Variants in FAM234A observed in about 807,000 individuals in gnomAD.
FAM234A encodes family with sequence similarity 234 member A, also known as protein FAM234A.
A neutral mutation model predicts 49.1 loss-of-function variants in FAM234A; 42 were observed. The ratio of observed to expected loss-of-function variants is 0.86; its 90% CI spans 0.67 to 1.11. The LOEUF is 1.11. Ranked by LOEUF, FAM234A falls within the 50% of genes least tolerant of loss-of-function variation. FAM234A has a pLI of 0.00. For synonymous variants in FAM234A, 369 were observed against 316.2 expected (o/e 1.17, Z -1.77); for missense variants, 815 against 745.2 (o/e 1.09, Z -1.09).
rs1355912421 is a variant in FAM234A at position 265,724 on chromosome 16, T to C, written c.*702T>C. 6 of 985,482 alleles carry C rather than the reference T, an allele frequency of 6.1e-6. No homozygotes were observed. Among genetic ancestry groups the C allele is most frequent in the Non-Finnish European group, 7.2e-6 (6 of 830,120 alleles). The allele number at this position is 985,482 out of a possible 1,614,324, so 61.0% of individuals were successfully genotyped here. A position where few individuals can be genotyped will look rare whatever the true frequency, so the allele number is the denominator to read the frequency against. On this transcript the variant is annotated 3_prime_UTR_variant, in exon 13 of 13. Coordinates refer to ENST00000399932, the MANE Select transcript of FAM234A (RefSeq NM_032039.4). The stretch of plus-strand genomic sequence containing the variant: ...AGCCCGTGGCCGCTCACAGGTGTCC[T>C]TAGTGGTGTTGCAGCTGTCTACTGG...
chr16:251,567 A>G (rs1482172841), intron 2 of FAM234A, among the ~76,000 whole-genome samples: 1 of 151,026 alleles, frequency 6.6e-6, no homozygotes, highest in Non-Finnish European at 1.5e-5. Context: ...TAGTAGAGAC[A>G]GAGTCTCGCC....
intron 2 of FAM234A, among the ~76,000 whole-genome samples, chr16:253,291 C>A (rs1377254304): frequency 5.3e-5 from 8 of 152,120 alleles, no homozygotes; most frequent in Admixed American, 3.3e-4. Flanking sequence ...GAAGTTACTC[C>A]CAGCACCGAG....
chr16:256,661 C>T (rs1168087534), intron 3 of FAM234A, among the ~76,000 whole-genome samples: 1 of 152,032 alleles, frequency 6.6e-6, no homozygotes, highest in Non-Finnish European at 1.5e-5. Flanking sequence ...ACCTCTGCCT[C>T]CCAGGTTCAA....
At chr16:251,679 GTTTTTTTTT>G (rs1172222528) in intron 2 of FAM234A, among the ~76,000 whole-genome samples, 1 of 91,146 alleles carries the variant, frequency 1.1e-5, no homozygotes, top group East Asian at 4.2e-4. Context: ...GCCTAGCCAG[GTTTTTTTTT>G]TTTTTTTTTT....
downstream of FAM234A, chr16:268,834 T>C (rs1195684530): frequency 5.8e-6 from 9 of 1,550,366 alleles, no homozygotes; most frequent in South Asian, 9.5e-5. Flanking sequence ...CGCCGAGACC[T>C]GCATGTCCGC....
At chr16:269,554 A>G (rs142042302), downstream of FAM234A, 28 of 1,613,394 alleles carry the variant, frequency 1.7e-5, no homozygotes, top group African/African-American at 3.2e-4. Flanking sequence ...GGCCTTGTAC[A>G]TGTCAGACTT....
downstream of FAM234A, chr16:268,885 C>T: frequency 6.4e-7 from 1 of 1,550,568 alleles, no homozygotes; most frequent in South Asian, 1.2e-5. Context: ...GCCTGTGCAT[C>T]TTGCTTCCGG....
chr16:264,460 C>G (rs1393638862), intron 11 of FAM234A, among the ~76,000 whole-genome samples, 154 bp from the exon 12 acceptor site: 1 of 151,750 alleles, frequency 6.6e-6, no homozygotes, highest in Non-Finnish European at 1.5e-5. Context: ...GTGGGAGGAC[C>G]TGGGAGGTGG....
intron 2 of FAM234A, among the ~76,000 whole-genome samples, chr16:252,323 A>G (rs1324113458): frequency 2.0e-5 from 3 of 151,546 alleles, no homozygotes; most frequent in Non-Finnish European, 4.4e-5. Flanking sequence ...CTGGGACTAC[A>G]GGCGCCCGCC....
At chr16:244,682 CTTTTTTTTTTTT>C (rs59549388) in intron 1 of FAM234A, among the ~76,000 whole-genome samples, 5 of 86,740 alleles carry the variant, frequency 5.8e-5, no homozygotes, top group Non-Finnish European at 9.1e-5. Flanking sequence ...ATGGTAACCT[CTTTTTTTTTTTT>C]TTTTTTTTTT....
chr16:243,092 C>T (rs2050677237), intron 1 of FAM234A, among the ~76,000 whole-genome samples: 1 of 151,904 alleles, frequency 6.6e-6, no homozygotes, highest in African/African-American at 2.4e-5. Flanking sequence ...GCTAACCTCC[C>T]ACCTCAGCCT....
chr16:252,797 C>G (rs2051072572), intron 2 of FAM234A, among the ~76,000 whole-genome samples: 2 of 152,210 alleles, frequency 1.3e-5, no homozygotes, highest in South Asian at 2.1e-4. Context: ...AGTCCCTTAT[C>G]TCTCTGTCTT....
At chr16:258,048 G>T (rs542781448) in intron 3 of FAM234A, among the ~76,000 whole-genome samples, 2 of 151,782 alleles carry the variant, frequency 1.3e-5, no homozygotes, top group Non-Finnish European at 2.9e-5. Flanking sequence ...AGTAGAGAAG[G>T]TTTCACCGTA....
At chr16:247,773 G>T (rs2050866407) in intron 1 of FAM234A, among the ~76,000 whole-genome samples, 1 of 152,032 alleles carries the variant, frequency 6.6e-6, no homozygotes, top group African/African-American at 2.4e-5. Context: ...AAACTCTTTT[G>T]ATCTTAGATC....
At chr16:251,785 C>T (rs571997676) in intron 2 of FAM234A, among the ~76,000 whole-genome samples, 1 of 144,686 alleles carries the variant, frequency 6.9e-6, no homozygotes, top group Admixed American at 7.1e-5. Context: ...GGGTGGATCA[C>T]GAGGTCAGGA....
At chr16:238,313 C>A (rs1407175192) in intron 1 of FAM234A, among the ~76,000 whole-genome samples, 1 of 152,140 alleles carries the variant, frequency 6.6e-6, no homozygotes, top group Non-Finnish European at 1.5e-5. Context: ...ACCACCGCCC[C>A]CGCCCCTGTC....
At chr16:249,295 G>A (rs1250366142) in intron 1 of FAM234A, among the ~76,000 whole-genome samples, 1 of 151,904 alleles carries the variant, frequency 6.6e-6, no homozygotes, top group Non-Finnish European at 1.5e-5. Flanking sequence ...CAGACTTCTC[G>A]GTCTGTTCTT....
chr16:269,921 T>TA (rs59094788), downstream of FAM234A: 14,656 of 245,520 alleles, frequency 0.06, 2,022 homozygotes, highest in African/African-American at 0.3. Context: ...TGGAGTCAAA[T>TA]AAAAAAACAA....
chr16:252,178 GTTTTTTGTTTTT>G (rs2051043113), intron 2 of FAM234A, among the ~76,000 whole-genome samples: 1 of 126,060 alleles, frequency 7.9e-6, no homozygotes, highest in Non-Finnish European at 1.6e-5. Flanking sequence ...CTGTTTTTCT[GTTTTTTGTTTTT>G]TTTTTTTTTT....
Sources: gnomAD v4.1 joint callset for allele counts (sites outside exome capture counted in the v4.1 genomes callset) on GRCh38, gnomAD v4.1.1 for gene constraint, MANE v1.5 for transcripts, NCBI Gene and HGNC (gene_info 2026-07-23, HGNC 2026-07-21) for gene names.